Variants in EHBP1 observed in about 807,000 individuals in gnomAD.
EHBP1 encodes the protein EH domain binding protein 1.
In EHBP1, 55 loss-of-function variants were observed where a neutral mutation model predicts 144.0. The observed-to-expected ratio is 0.38, with a 90% confidence interval of 0.31 to 0.48. EHBP1 has a LOEUF of 0.48. Among genes scored for constraint, EHBP1 ranks in the 20% least tolerant of loss-of-function variants. The pLI, the probability that EHBP1 is intolerant of heterozygous loss-of-function variation, is 0.98. For synonymous variants in EHBP1, 469 were observed against 472.7 expected, an observed-to-expected ratio of 0.99 and a Z score of 0.10; for missense variants, 1,200 against 1,364.2, an observed-to-expected ratio of 0.88 and a Z score of 1.90.
chr2:62,807,913 C>T (rs953719827), intron 5 of EHBP1, among the ~76,000 whole-genome samples: 19 of 152,044 alleles, frequency 1.2e-4, no homozygotes, highest in Non-Finnish European at 2.8e-4. Flanking sequence ...GTGTTTATTT[C>T]CTCTGGCTTC....
At chr2:62,903,537 A>G (rs1427572013) in intron 10 of EHBP1, among the ~76,000 whole-genome samples, 2 of 152,144 alleles carry the variant, frequency 1.3e-5, no homozygotes, top group African/African-American at 4.8e-5. Context: ...CCGAGGTGGG[A>G]GGATTGCTTG....
At position 62,955,580 on chromosome 2, in the gene EHBP1, A is replaced by C; in HGVS notation, c.2380A>C (p.Arg794=). 6.2e-7 allele frequency: 1 copy of C among 1,613,364 alleles called. No homozygotes were observed. The highest frequency in any genetic ancestry group is 8.5e-7 in the Non-Finnish European group (1 of 1,179,530). Residue 794 remains arginine (R), a synonymous_variant, in exon 14 of 23, where the codon AGA becomes CGA. Coordinates refer to ENST00000431489, the MANE Select transcript of EHBP1 (RefSeq NM_001142616.3). ...ERARVLLEQA[R]RDAALKAGNK... ...AGCAAGAGTTCTGCTTGAGCAAGCA[A>C]GAAGAGATGCAGCCTTAAAGGCGGG...
At chr2:62,861,704 T>C (rs2049564422) in intron 8 of EHBP1, among the ~76,000 whole-genome samples, 1 of 150,766 alleles carries the variant, frequency 6.6e-6, no homozygotes, top group Admixed American at 6.6e-5. Flanking sequence ...ATCGTGCCAC[T>C]GCACCCCAGC....
intron 2 of EHBP1, among the ~76,000 whole-genome samples, chr2:62,726,231 C>T (rs1459283481): frequency 1.3e-4 from 20 of 152,208 alleles, no homozygotes; most frequent in Non-Finnish European, 1.5e-5. Context: ...CTAAGCAGCT[C>T]TCCCTGCCAA....
At chr2:62,953,085 C>CT (rs2057475203) in intron 13 of EHBP1, among the ~76,000 whole-genome samples, 4 of 151,752 alleles carry the variant, frequency 2.6e-5, no homozygotes, top group Admixed American at 2.0e-4. Flanking sequence ...AGGGTGGTGG[C>CT]ACATGCCTGT....
intron 5 of EHBP1, among the ~76,000 whole-genome samples, chr2:62,812,175 A>T (rs1207352801): frequency 6.6e-6 from 1 of 152,142 alleles, no homozygotes; most frequent in African/African-American, 2.4e-5. Context: ...GAAACCCCTC[A>T]CCAGATGCTG....
intron 19 of EHBP1, among the ~76,000 whole-genome samples, chr2:63,028,985 C>T (rs1056830068): frequency 9.2e-5 from 14 of 152,056 alleles, no homozygotes; most frequent in East Asian, 5.8e-4. Flanking sequence ...TATTGTAATT[C>T]TCATTTTTTA....
At chr2:62,828,582 A>G (rs2046517988) in intron 6 of EHBP1, among the ~76,000 whole-genome samples, 1 of 152,138 alleles carries the variant, frequency 6.6e-6, no homozygotes, top group African/African-American at 2.4e-5. Context: ...TTGGGCGGTT[A>G]TGGCCCTGTT....
chr2:62,820,983 C>A (rs2045941629), intron 5 of EHBP1, among the ~76,000 whole-genome samples: 1 of 150,840 alleles, frequency 6.6e-6, no homozygotes, highest in East Asian at 1.9e-4. Context: ...TTTTATTATT[C>A]TTAAGTTTTA....
chr2:63,027,536 T>C (rs976988787), intron 19 of EHBP1, among the ~76,000 whole-genome samples: 2 of 145,104 alleles, frequency 1.4e-5, no homozygotes, highest in Non-Finnish European at 3.1e-5. Flanking sequence ...CTGTTCAAGT[T>C]AGAAAGCTGC....
rs559812032 is a variant in EHBP1 at position 62,804,471 on chromosome 2, A to G, written c.313-21616A>G. Among the ~76,000 whole-genome samples the G allele has an allele frequency of 2.6e-5, 4 of 152,382 alleles. No individual in the cohort carries two copies. The East Asian group carries it at 5.8e-4, about 22-fold the overall frequency. On this transcript the variant is annotated intron_variant, in intron 5 of 22. Coordinates refer to ENST00000431489, the MANE Select transcript of EHBP1 (RefSeq NM_001142616.3). ...TGAGAAAGTTTGTTGAAGAAAATCA[A>G]TCAAAACTAAAAGAGAATAGAAGTG... is the stretch of plus-strand genomic sequence containing the variant.
At chr2:62,685,886 A>G (rs1383119123) in intron 1 of EHBP1, among the ~76,000 whole-genome samples, 3 of 152,322 alleles carry the variant, frequency 2.0e-5, no homozygotes, top group East Asian at 1.9e-4. Flanking sequence ...TTCAGCTTGA[A>G]TGATTTATAT....
intron 5 of EHBP1, among the ~76,000 whole-genome samples, chr2:62,807,402 G>C (rs1445414980): frequency 6.6e-6 from 1 of 152,112 alleles, no homozygotes; most frequent in East Asian, 1.9e-4. Flanking sequence ...TACAAAATTA[G>C]CTGGGTGCGG....
intron 10 of EHBP1, chr2:62,940,337 A>T (rs1318882084): frequency 4.6e-6 from 1 of 216,690 alleles, no homozygotes; most frequent in East Asian, 1.2e-4. Flanking sequence ...TCTTTTTAAG[A>T]GGTCAGTATG....
At chr2:62,782,132 A>G (rs573006158) in intron 5 of EHBP1, among the ~76,000 whole-genome samples, 62 of 152,340 alleles carry the variant, frequency 4.1e-4, no homozygotes, top group Admixed American at 2.1e-3. Context: ...TTATTGTCCT[A>G]GGCACTAGAT....
chr2:62,895,177 T>C (rs1012505400), intron 10 of EHBP1, among the ~76,000 whole-genome samples: 3 of 152,238 alleles, frequency 2.0e-5, no homozygotes, highest in Admixed American at 1.3e-4. Flanking sequence ...AGTAAAAGAA[T>C]AGTGCTGTAT....
At chr2:62,943,328 A>T (rs1483541129) in intron 11 of EHBP1, among the ~76,000 whole-genome samples, 2 of 142,860 alleles carry the variant, frequency 1.4e-5, no homozygotes, top group African/African-American at 5.2e-5. Flanking sequence ...ATGAGCCAAG[A>T]TCGTGCCATT....
chr2:62,918,175 G>T (rs965563021), intron 10 of EHBP1, among the ~76,000 whole-genome samples: 1 of 152,116 alleles, frequency 6.6e-6, no homozygotes, highest in African/African-American at 2.4e-5. Context: ...GGGTTTGCAG[G>T]CGTGAGCCAC....
At chr2:62,954,078 A>G (rs1022066395) in intron 13 of EHBP1, among the ~76,000 whole-genome samples, 3 of 152,174 alleles carry the variant, frequency 2.0e-5, no homozygotes, top group Non-Finnish European at 2.9e-5. Flanking sequence ...GAGTTGGTCT[A>G]TTTCTATCCT....
Sources: gnomAD v4.1 joint callset for allele counts (sites outside exome capture counted in the v4.1 genomes callset) on GRCh38, gnomAD v4.1.1 for gene constraint, MANE v1.5 for transcripts, NCBI Gene and HGNC (gene_info 2026-07-23, HGNC 2026-07-21) for gene names.